Variants in DNHD1 observed in about 807,000 individuals in gnomAD.
DNHD1 encodes the protein dynein heavy chain domain-containing protein 1.
Under a neutral mutation model 458.1 loss-of-function variants are expected in DNHD1, and 383 were observed. The ratio of observed to expected loss-of-function variants is 0.84; its 90% CI spans 0.77 to 0.91. The LOEUF (loss-of-function observed/expected upper bound fraction) is 0.91, where lower values mean the gene tolerates loss of function less well. Among genes scored for constraint, DNHD1 ranks in the 40% least tolerant of loss-of-function variants. The probability of loss-of-function intolerance (pLI) is 0.00; values close to 1 mark genes in which losing one functional copy is unlikely to be tolerated. For synonymous variants in DNHD1, 2,203 were observed against 2,376.9 expected, an observed-to-expected ratio of 0.93 and a Z score of 2.13; for missense variants, 5,336 against 5,866.1, an observed-to-expected ratio of 0.91 and a Z score of 2.95.
rs1415822771 is a variant in DNHD1 at position 6,563,881 on chromosome 11, C to T, written c.10041C>T (p.Asp3347=). 2 of 1,551,710 alleles carry T rather than the reference C, an allele frequency of 1.3e-6. No homozygotes were observed. Among genetic ancestry groups the T allele is most frequent in the South Asian group, 2.4e-5 (2 of 84,066 alleles). Residue 3347 remains aspartate, a synonymous_variant, in exon 31 of 43, where the codon GAC becomes GAT. Coordinates refer to ENST00000254579, the MANE Select transcript of DNHD1 (RefSeq NM_144666.3). ...CGCATTGCCGGGGACTGCCCACGGA[C>T]CTGCTGCTGCAGCAAGTGGAGGCAA... The part of the protein sequence containing the change: ...GLAHCRGLPT[D]LLLQQVEATL...
At chr11:6,512,476 C>T (rs533129763) in intron 7 of DNHD1, among the ~76,000 whole-genome samples, 1 of 151,940 alleles carries the variant, frequency 6.6e-6, no homozygotes, top group Non-Finnish European at 1.5e-5. Context: ...CCCACCTCGG[C>T]CTCCCAAAGT....
At chr11:6,509,511 A>G (rs1261725722) in intron 6 of DNHD1, among the ~76,000 whole-genome samples, 1 of 152,134 alleles carries the variant, frequency 6.6e-6, no homozygotes, top group African/African-American at 2.4e-5. Context: ...TTGAACATAT[A>G]TTCTGAACTA....
Position 6,556,685 on chromosome 11 carries a change from C to G in DNHD1, c.7390C>G (p.Pro2464Ala), listed in dbSNP as rs1490346844. ...TTATTATTCCTCATGTCCCATAGAC[C>G]CAGAGAAGAGCTGCCAGCCAGTGTT... ...LEDLHLATSD[P>A]EKSCQPVLET... The change falls in exon 25 of 43, where the codon CCA (proline) becomes GCA (alanine). Residue 2464 changes from proline (P) to alanine (A), a missense_variant and splice_region_variant. Transcript: ENST00000254579. 3 of 1,541,056 alleles carry G rather than the reference C, an allele frequency of 1.9e-6. No homozygotes were observed. The highest frequency in any genetic ancestry group is 4.9e-5 in the East Asian group (2 of 40,644).
In DNHD1 at chr11:6,502,896, A is replaced by G. The variant is rs78466420; in HGVS notation, c.890A>G (p.Tyr297Cys). The G allele has an allele frequency of 1.1e-3, 1,707 of 1,613,702 alleles. 31 individuals are homozygous for G. The East Asian group carries it at 0.034, about 32-fold the overall frequency. Reference protein sequence around the residue: ...ERYLKKIHFLYLNVAPSRYFR... With the variant: ...ERYLKKIHFLCLNVAPSRYFR... The stretch of plus-strand genomic sequence containing the variant: ...TACCTGAAGAAGATCCACTTCCTCT[A>G]TCTCAATGTGGCTCCCAGCCGGTAC... Residue 297 changes from tyrosine (Y) to cysteine (C), a missense_variant, in exon 4 of 43, where the codon TAT (tyrosine) becomes TGT (cysteine). Coordinates refer to ENST00000254579, the MANE Select transcript of DNHD1 (RefSeq NM_144666.3).
At chr11:6,520,982 CA>C in intron 10 of DNHD1, 8 of 558,352 alleles carry the variant, frequency 1.4e-5, no homozygotes, top group Non-Finnish European at 1.8e-5. Context: ...CAAAAAGGTT[CA>C]CTGAAAGGAA....
In DNHD1 at chr11:6,568,829, C is replaced by A. The variant is rs1853770320; in HGVS notation, c.12826C>A (p.Leu4276Ile). 1 of 1,612,626 alleles carries A rather than the reference C, an allele frequency of 6.2e-7. No individual in the cohort carries two copies. The highest frequency in any genetic ancestry group is 1.7e-5 in the Admixed American group (1 of 59,870). ...LLHGLLLHRQ[L>I]YGTRLQAHRG... is the part of the protein sequence containing the mutation. ...CCATGGCCTCCTGCTACACCGGCAG[C>A]TCTATGGAACAAGGCTGCAGGCACA... is the stretch of plus-strand genomic sequence containing the variant. The change falls in exon 39 of 43, where the codon CTC (leucine) becomes ATC (isoleucine). Residue 4276 changes from leucine to isoleucine, a missense_variant. Transcript: ENST00000254579.
Position 6,548,267 on chromosome 11 carries a change from C to T in DNHD1, c.6963C>T (p.Tyr2321=), listed in dbSNP as rs576682543. Residue 2321 remains tyrosine, a synonymous_variant, in exon 23 of 43, where the codon TAC becomes TAT. Coordinates refer to ENST00000254579, the MANE Select transcript of DNHD1 (RefSeq NM_144666.3). The surrounding 1 kb of genome is among the most constrained non-coding windows in gnomAD (Gnocchi z 4.4). ...IRDSISRLSN[Y]PEPPPSALVF... ...ATTCTATTAGTCGCCTCTCCAACTACCCTGAGCCACCACCCTCAGCCTTGG... is the reference window on the plus strand; with the variant it reads ...ATTCTATTAGTCGCCTCTCCAACTATCCTGAGCCACCACCCTCAGCCTTGG... The T allele has an allele frequency of 1.3e-6, 2 of 1,551,566 alleles. No individual in the cohort carries two copies. The highest frequency in any genetic ancestry group is 1.7e-6 in the Non-Finnish European group (2 of 1,146,992).
At chr11:6,512,001 G>A (rs2555148) in intron 7 of DNHD1, among the ~76,000 whole-genome samples, 60,627 of 151,930 alleles carry the variant, frequency 0.4, 14,082 homozygotes, top group African/African-American at 0.65. Context: ...ATTACCATGT[G>A]TAGATAGTCC....
At chr11:6,551,481 A>G (rs1589888553) in intron 24 of DNHD1, among the ~76,000 whole-genome samples, 1 of 152,352 alleles carries the variant, frequency 6.6e-6, no homozygotes, top group East Asian at 1.9e-4. Flanking sequence ...TCAGTGAAAT[A>G]GAAAAACATA....
Position 6,545,330 on chromosome 11 carries a change from A to G in DNHD1, c.4391A>G (p.Gln1464Arg), listed in dbSNP as rs1853186947. 1 of 1,551,650 alleles carries G rather than the reference A, an allele frequency of 6.4e-7. No homozygotes were observed. Among genetic ancestry groups the G allele is most frequent in the Admixed American group, 2.0e-5 (1 of 50,994 alleles). Reference protein sequence around the residue: ...CLRLALVHMLQGCVAARLARG... With the variant: ...CLRLALVHMLRGCVAARLARG... ...CGCTTGGCACTGGTGCACATGCTGC[A>G]GGGCTGTGTGGCTGCTCGCCTTGCT... Residue 1464 changes from glutamine (Q) to arginine (R), a missense_variant, in exon 21 of 43, where the codon CAG becomes CGG. Transcript: ENST00000254579. This position sits in a 1 kb window ranked among gnomAD's most constrained non-coding sequence, Gnocchi z 4.9.
Position 6,539,238 on chromosome 11 carries a change from C to T in DNHD1, c.3345C>T (p.Leu1115=), listed in dbSNP as rs1589881654. The T allele has an allele frequency of 6.4e-7, 1 of 1,551,586 alleles. No homozygotes were observed. Among genetic ancestry groups the T allele is most frequent in the East Asian group, 2.4e-5 (1 of 40,914 alleles). ...CLLRALGLGS[L]QTIELLTLGQ... is the part of the protein sequence containing the mutation. ...CTCCAGCCCTTGGGCTGGGCAGTCT[C>T]CAAACTATAGAACTCCTAACGCTGG... is the stretch of plus-strand genomic sequence containing the variant. The change falls in exon 17 of 43, where the codon CTC becomes CTT. Residue 1115 remains leucine, a synonymous_variant. Coordinates refer to ENST00000254579, the MANE Select transcript of DNHD1 (RefSeq NM_144666.3).
Position 6,515,779 on chromosome 11 carries a change from ATTTTTT to A in DNHD1, c.1393-3803_1393-3798del, listed in dbSNP as rs61095437. ...TTTTATTCAAATATTCTATAGACAC[ATTTTTT>A]TTTTTTTTTTTTTTTTTGAGTCAGG... On this transcript the variant is annotated intron_variant, in intron 7 of 42. Coordinates refer to ENST00000254579, the MANE Select transcript of DNHD1 (RefSeq NM_144666.3). Among the ~76,000 whole-genome samples, 965 of 108,308 alleles carry A rather than the reference ATTTTTT, an allele frequency of 8.9e-3. 9 individuals carry two copies. Among genetic ancestry groups the A allele is most frequent in the African/African-American group, 0.033 (901 of 26,966 alleles). 71.1% of individuals were successfully genotyped at this position (108,308 alleles called of 152,430 possible).
Position 6,533,855 on chromosome 11 carries a change from C to T in DNHD1, c.2680C>T (p.Pro894Ser). The T allele has an allele frequency of 1.3e-6, 2 of 1,551,284 alleles. No homozygotes were observed. The highest frequency in any genetic ancestry group is 1.7e-6 in the Non-Finnish European group (2 of 1,146,896). The change falls in exon 14 of 43, where the codon CCA becomes TCA. Residue 894 changes from proline (P) to serine (S), a missense_variant. By Grantham distance (74) the Pro-to-Ser change is moderately conservative. This residue lies in a region of DNHD1 where 3,932 missense variants were observed against 4,365.6 expected (regional missense o/e 0.90). Coordinates refer to ENST00000254579, the MANE Select transcript of DNHD1 (RefSeq NM_144666.3). ...ACCCATCCCTCCCTGCCCTCCTCCC[C>T]CACAACCACATCTACTCCACTGCCC... is the stretch of plus-strand genomic sequence containing the variant. ...ESPIPPCPPP[P>S]QPHLLHCPLL...
Position 6,547,412 on chromosome 11 carries a change from G to C in DNHD1, c.6473G>C (p.Ser2158Thr), listed in dbSNP as rs1361392007. The C allele has an allele frequency of 1.3e-6, 2 of 1,551,616 alleles. No homozygotes were observed. Among genetic ancestry groups the C allele is most frequent in the African/African-American group, 2.7e-5 (2 of 73,046 alleles). ...GAGCAGACTTGGCAGTGTATACTTA[G>C]TGCCCTGATGGCATCCCTTCCTTAT... ...GGEQTWQCIL[S>T]ALMASLPYEY... Residue 2158 changes from serine to threonine, a missense_variant, in exon 21 of 43, where the codon AGT becomes ACT. Coordinates refer to ENST00000254579, the MANE Select transcript of DNHD1 (RefSeq NM_144666.3).
chr11:6,517,652 C>CTTTTTTTTTTT lies in DNHD1; in HGVS notation c.1393-1924_1393-1914dup, dbSNP rs59300977. Among the ~76,000 whole-genome samples, 18 of 59,066 alleles carry CTTTTTTTTTTT rather than the reference C, an allele frequency of 3.0e-4. 2 individuals carry two copies. The highest frequency in any genetic ancestry group is 1.0e-3 in the African/African-American group (18 of 18,048). 38.7% of individuals were successfully genotyped at this position (59,066 alleles called of 152,430 possible). A position where few individuals can be genotyped will look rare whatever the true frequency, so the allele number is the denominator to read the frequency against. On this transcript the variant is annotated intron_variant, in intron 7 of 42. Coordinates refer to ENST00000254579, the MANE Select transcript of DNHD1 (RefSeq NM_144666.3). ...ACAAATACTGTATGATCTAGGACTT[C>CTTTTTTTTTTT]TTTTTTTTTTTTTTTTTTTTTTTTT...
At chr11:6,529,717 G>A (rs756667878) in intron 12 of DNHD1, among the ~76,000 whole-genome samples, 9 of 152,126 alleles carry the variant, frequency 5.9e-5, no homozygotes, top group Admixed American at 4.6e-4. Flanking sequence ...GGGGAAGGCC[G>A]GTGGGCTGGC....
Position 6,564,137 on chromosome 11 carries a change from C to T in DNHD1, c.10284+13C>T. The T allele has an allele frequency of 1.3e-6, 2 of 1,545,160 alleles. No individual in the cohort carries two copies. The highest frequency in any genetic ancestry group is 2.4e-5 in the South Asian group (2 of 83,898). On this transcript the variant is annotated intron_variant, in intron 31 of 42. Coordinates refer to ENST00000254579, the MANE Select transcript of DNHD1 (RefSeq NM_144666.3). ...TACACAGCTCCAGGTAACCATCCCC[C>T]TCCCAGATGTCTCCCCCAAAGTTCC...
chr11:6,529,284 T>G (rs1052602701), intron 12 of DNHD1, among the ~76,000 whole-genome samples, 163 bp downstream of exon 12: 1 of 151,000 alleles, frequency 6.6e-6, no homozygotes, highest in Non-Finnish European at 1.5e-5. Flanking sequence ...TCCTTTGCCA[T>G]CAAAGCTATG....
chr11:6,568,052 C>T lies in DNHD1; in HGVS notation c.12352-4C>T, dbSNP rs768586036. 32 of 1,559,618 alleles carry T rather than the reference C, an allele frequency of 2.1e-5. No homozygotes were observed. The highest frequency in any genetic ancestry group is 3.5e-6 in the Non-Finnish European group (4 of 1,151,138). The stretch of plus-strand genomic sequence containing the variant: ...CATGCTGCCATCTCTTTTTTGGTCC[C>T]CAGGGGCAGAAGCAACTGCAGGTGA... On this transcript the variant is annotated splice_polypyrimidine_tract_variant and splice_region_variant and intron_variant, in intron 36 of 42. Transcript: ENST00000254579.
Sources: allele counts gnomAD v4.1 joint callset (sites outside exome capture counted in the v4.1 genomes callset), GRCh38; gene constraint gnomAD v4.1.1; regional missense constraint gnomAD v4.1.1; non-coding constraint Gnocchi (gnomAD v3.1); transcripts MANE v1.5; gene names NCBI Gene and HGNC (gene_info 2026-07-23, HGNC 2026-07-21).